Variants in G3BP2 observed in about 807,000 individuals in gnomAD.
G3BP2 encodes the protein G3BP stress granule assembly factor 2.
Under a neutral mutation model 56.7 loss-of-function variants are expected in G3BP2, and 11 were observed. That is an observed-to-expected ratio of 0.19 (90% CI 0.12 to 0.32). The LOEUF (loss-of-function observed/expected upper bound fraction) is 0.32. G3BP2 is among the 10% of genes least tolerant of loss of function. G3BP2 has a pLI of 1.00. For synonymous variants in G3BP2, 165 were observed against 191.6 expected (o/e 0.86, Z 1.15); for missense variants, 340 against 610.9 (o/e 0.56, Z 4.67).
At chr4:75,652,424 C>T (rs561075858) in intron 8 of G3BP2, among the ~76,000 whole-genome samples, 5 of 152,226 alleles carry the variant, frequency 3.3e-5, no homozygotes, top group Non-Finnish European at 5.9e-5. Flanking sequence ...GAGTTTGAGA[C>T]CAGCCTGGTC....
Position 75,658,768 on chromosome 4 carries a change from G to A in G3BP2, c.177+75C>T. ...AGAAAGAAAGAAAAAAAAAGCCATG[G>A]ACACAAGAAGGCTATTTTTTAAAAT... On this transcript the variant is annotated intron_variant, in intron 3 of 11. Coordinates refer to ENST00000359707, the MANE Select transcript of G3BP2 (RefSeq NM_203505.3). 3.4e-6 allele frequency: 3 copies of A among 888,028 alleles called. 1 individual carries two copies. Among genetic ancestry groups the A allele is most frequent in the South Asian group, 2.8e-5 (2 of 70,826 alleles). 55.0% of individuals were successfully genotyped at this position (888,028 alleles called of 1,614,324 possible). A position where few individuals can be genotyped will look rare whatever the true frequency, so the allele number is the denominator to read the frequency against.
At chr4:75,658,432 G>GA (rs200593131) in intron 3 of G3BP2, among the ~76,000 whole-genome samples, 36,033 of 142,778 alleles carry the variant, frequency 0.25, 4,645 homozygotes, top group Middle Eastern at 0.4. Context: ...TCATATTGGG[G>GA]AAAAAAAAAA....
At chr4:75,682,967 A>G (rs1734137661) in intron 3 of G3BP2, among the ~76,000 whole-genome samples, 1 of 150,414 alleles carries the variant, frequency 6.6e-6, no homozygotes, top group Admixed American at 6.7e-5. Flanking sequence ...CTGGTGACAG[A>G]GCGAGACTCC....
exon 3 of G3BP2, among the ~76,000 whole-genome samples, chr4:75,720,878 T>A (rs1720144153): frequency 6.8e-6 from 1 of 146,234 alleles, no homozygotes; most frequent in Non-Finnish European, 1.5e-5. Context: ...GGCTCACACC[T>A]GCAATCCCAG....
chr4:75,645,486 C>T lies in G3BP2; in HGVS notation c.1393G>A (p.Gly465Ser). Residue 465 changes from glycine to serine, a missense_variant, in exon 12 of 12, where the codon GGC becomes AGC. By Grantham distance (56) the Gly-to-Ser change is moderately conservative. Coordinates refer to ENST00000359707, the MANE Select transcript of G3BP2 (RefSeq NM_203505.3). ...PPRGGMAQKL[G>S]SGRGTGQMEG... Reference sequence around the variant, plus strand: ...ATTTGCCCGGTTCCTCTTCCAGAGCCAAGTTTCTGTGCCATGCCACCCCTT... The same window carrying T: ...ATTTGCCCGGTTCCTCTTCCAGAGCTAAGTTTCTGTGCCATGCCACCCCTT... 1 of 1,614,114 alleles carries T rather than the reference C, an allele frequency of 6.2e-7. No homozygotes were observed. Among genetic ancestry groups the T allele is most frequent in the South Asian group, 1.1e-5 (1 of 91,078 alleles).
At chr4:75,701,193 C>T (rs1025473388) in intron 3 of G3BP2, among the ~76,000 whole-genome samples, 11 of 152,022 alleles carry the variant, frequency 7.2e-5, no homozygotes, top group Non-Finnish European at 8.8e-5. Flanking sequence ...TTTCTTATCC[C>T]CCCCAATTTG....
rs748840062 is a variant in G3BP2 at position 75,655,137 on chromosome 4, C to G, written c.655G>C (p.Glu219Gln). The G allele has an allele frequency of 3.2e-5, 51 of 1,613,310 alleles. No individual in the cohort carries two copies. The highest frequency in any genetic ancestry group is 4.2e-5 in the Non-Finnish European group (50 of 1,179,270). ...GTAGTAGATTTCTCCTCTAGTTCTT[C>G]TAAGTTCTTCTCCTCCACTTGTGGT... ...LKPQVEEKNL[E>Q]ELEEKSTTPP... Residue 219 changes from glutamate to glutamine, a missense_variant, in exon 7 of 12, where the codon GAA (glutamate) becomes CAA (glutamine). Around this residue, in one of 4 missense-constraint regions of G3BP2, gnomAD observed 224 missense variants for 332.5 expected, o/e 0.67. Transcript: ENST00000359707.
rs1214468691 is a variant in G3BP2, at chr4:75,643,577, A to AAGAC, written c.*1849_*1852dup. 1.3e-5 allele frequency: 2 copies of AAGAC among 152,328 alleles called. No individual in the cohort carries two copies. The highest frequency in any genetic ancestry group is 4.8e-5 in the African/African-American group (2 of 41,350). The allele number at this position is 152,328 out of a possible 1,614,324, so 9.4% of individuals were successfully genotyped here. On this transcript the variant is annotated 3_prime_UTR_variant, in exon 12 of 12. Transcript: ENST00000359707. ...GTGCAAGACTTTCCCTCAAACATGG[A>AAGAC]AGACCTCATTCAAAGGGGGAAAAAG...
upstream of G3BP2, among the ~76,000 whole-genome samples, chr4:75,674,719 T>TATATATATATATA (rs57822618): frequency 7.4e-3 from 370 of 50,306 alleles, no homozygotes; most frequent in East Asian, 0.018. Flanking sequence ...TATATATATA[T>TATATATATATATA]TTTTTTTTTT....
In G3BP2 at chr4:75,645,228, T is replaced by C. The variant is rs997472801; in HGVS notation, c.*202A>G. ...CAGTCCTTAATTCTCCAAGTCTAGA[T>C]TTATAAATTAACAATGTGAATCCTG... On this transcript the variant is annotated 3_prime_UTR_variant, in exon 12 of 12. Coordinates refer to ENST00000359707, the MANE Select transcript of G3BP2 (RefSeq NM_203505.3). 1.7e-5 allele frequency: 10 copies of C among 590,170 alleles called. No individual in the cohort carries two copies. The East Asian group carries it at 2.8e-4, about 17-fold the overall frequency. 36.6% of individuals were successfully genotyped at this position (590,170 alleles called of 1,614,324 possible).
intron 1 of G3BP2, chr4:75,672,898 TCCC>T: frequency 1.7e-6 from 1 of 571,784 alleles, no homozygotes; most frequent in African/African-American, 2.1e-5. Context: ...GCTGCGTGCC[TCCC>T]CCCCCACTTC....
chr4:75,676,638 T>C (rs561791355), upstream of G3BP2, among the ~76,000 whole-genome samples: 14 of 152,282 alleles, frequency 9.2e-5, no homozygotes, highest in African/African-American at 3.4e-4. Flanking sequence ...CTTCAACATT[T>C]ATTCTGGATT....
intron 3 of G3BP2, among the ~76,000 whole-genome samples, chr4:75,692,014 G>A (rs1047050505): frequency 5.9e-5 from 9 of 151,980 alleles, no homozygotes; most frequent in African/African-American, 2.2e-4. Context: ...TTAATCTCTC[G>A]GAACTTCAAG....
At chr4:75,658,428 T>TG (rs1263857029) in intron 3 of G3BP2, among the ~76,000 whole-genome samples, 9 of 139,438 alleles carry the variant, frequency 6.5e-5, no homozygotes, top group Admixed American at 1.4e-4. Context: ...ACAATCATAT[T>TG]GGGGAAAAAA....
At chr4:75,711,461 C>T (rs142173902) in intron 3 of G3BP2, among the ~76,000 whole-genome samples, 22,919 of 151,890 alleles carry the variant, frequency 0.15, 2,382 homozygotes, top group African/African-American at 0.29. Flanking sequence ...GCCTATAATC[C>T]CAGCACTTTG....
rs528778454 is a variant in G3BP2 at position 75,673,229 on chromosome 4, G to A, written c.-46C>T. On this transcript the variant is annotated 5_prime_UTR_variant, in exon 1 of 12. Coordinates refer to ENST00000359707, the MANE Select transcript of G3BP2 (RefSeq NM_203505.3). ...ACACCTCCAGCCAACGGCGGCGGCGGGTACGTCGCGCGGAGGTCAGAAGAG... is the reference window on the plus strand; with the variant it reads ...ACACCTCCAGCCAACGGCGGCGGCGAGTACGTCGCGCGGAGGTCAGAAGAG... 1 of 1,216,292 alleles carries A rather than the reference G, an allele frequency of 8.2e-7. No homozygotes were observed. The highest frequency in any genetic ancestry group is 1.0e-6 in the Non-Finnish European group (1 of 978,254). The allele number at this position is 1,216,292 out of a possible 1,614,324, so 75.3% of individuals were successfully genotyped here. A position where few individuals can be genotyped will look rare whatever the true frequency, so the allele number is the denominator to read the frequency against.
At chr4:75,700,708 T>G (rs1201100214) in intron 3 of G3BP2, among the ~76,000 whole-genome samples, 1 of 147,246 alleles carries the variant, frequency 6.8e-6, no homozygotes, top group Non-Finnish European at 1.5e-5. Flanking sequence ...CATGAGCCAC[T>G]GCGCCCAGCT....
At chr4:75,687,715 T>C (rs1434481137) in intron 3 of G3BP2, among the ~76,000 whole-genome samples, 8 of 152,198 alleles carry the variant, frequency 5.3e-5, no homozygotes, top group African/African-American at 1.9e-4. Flanking sequence ...AAGCAATAAC[T>C]TAACCATGCC....
intron 8 of G3BP2, 132 bp downstream of exon 8, chr4:75,653,851 A>G: frequency 1.8e-6 from 1 of 564,660 alleles, no homozygotes; most frequent in East Asian, 3.0e-5. Flanking sequence ...AAGTGGGTGC[A>G]CTGACATATA....
Sources: allele counts gnomAD v4.1 joint callset (sites outside exome capture counted in the v4.1 genomes callset), GRCh38; gene constraint gnomAD v4.1.1; regional missense constraint gnomAD v4.1.1; transcripts MANE v1.5; gene names NCBI Gene and HGNC (gene_info 2026-07-23, HGNC 2026-07-21).